Variants in CELF2 observed in about 807,000 individuals in gnomAD.
CELF2 encodes CUGBP Elav-like family member 2.
In CELF2, 8 loss-of-function variants were observed where a neutral mutation model predicts 62.6. The observed-to-expected ratio is 0.13, with a 90% CI of 0.07 to 0.23. The LOEUF (loss-of-function observed/expected upper bound fraction) is 0.23, where lower values mean the gene tolerates loss of function less well. Among genes scored for constraint, CELF2 ranks in the 10% least tolerant of loss-of-function variants. The probability of loss-of-function intolerance (pLI) is 1.00; values close to 1 mark genes in which losing one functional copy is unlikely to be tolerated. For synonymous variants in CELF2, 258 were observed against 250.0 expected (o/e 1.03, Z -0.30); for missense variants, 333 against 671.0 (o/e 0.50, Z 5.56).
chr10:11,276,522 T>C (rs1202417744), intron 8 of CELF2, among the ~76,000 whole-genome samples: 1 of 152,238 alleles, frequency 6.6e-6, no homozygotes, highest in Non-Finnish European at 1.5e-5. Flanking sequence ...AAGTAAAATA[T>C]TCAGGGGATT....
At chr10:10,918,827 G>A (rs1161474945) in intron 1 of CELF2, among the ~76,000 whole-genome samples, 1 of 152,178 alleles carries the variant, frequency 6.6e-6, no homozygotes, top group East Asian at 1.9e-4. Context: ...TGACACTAAG[G>A]AGATTTTATA....
intron 4 of CELF2, among the ~76,000 whole-genome samples, chr10:11,254,434 A>G (rs899295833): frequency 7.9e-5 from 12 of 152,204 alleles, no homozygotes; most frequent in Non-Finnish European, 1.3e-4. Context: ...TTTCTTGGCT[A>G]ATACTTGATA....
chr10:10,966,134 T>A (rs2050098707), intron 2 of CELF2, among the ~76,000 whole-genome samples: 1 of 152,220 alleles, frequency 6.6e-6, no homozygotes, highest in Admixed American at 6.5e-5. Flanking sequence ...GAGTTTTGGT[T>A]TACACACCTT....
the CELF2 span, among the ~76,000 whole-genome samples, chr10:10,761,905 CGTGTGTGTGTGTGTGTGT>C: frequency 2.3e-4 from 30 of 128,970 alleles, no homozygotes; most frequent in East Asian, 1.2e-3. Context: ...TATAATAAAC[CGTGTGTGTGTGTGTGTGT>C]GTGTGTGTGT....
chr10:11,199,277 C>T (rs916186482), intron 2 of CELF2, among the ~76,000 whole-genome samples: 2 of 152,286 alleles, frequency 1.3e-5, no homozygotes, highest in East Asian at 1.9e-4. Context: ...TTCTACTCCC[C>T]GATTCGGTTG....
At chr10:10,748,747 CAAAAAAAA>C in the CELF2 span, among the ~76,000 whole-genome samples, 12 of 36,996 alleles carry the variant, frequency 3.2e-4, no homozygotes, top group Admixed American at 6.4e-4. Context: ...GACTCTGTCT[CAAAAAAAA>C]AAAAAAAAAA....
rs184004418 is a variant in CELF2 at position 10,898,159 on chromosome 10, A to G, written c.54-21805A>G. 1.5e-3 allele frequency among the ~76,000 whole-genome samples: 230 copies of G among 152,268 alleles called. 1 individual carries two copies. Among genetic ancestry groups the G allele is most frequent in the East Asian group, 7.5e-3 (39 of 5,190 alleles). On this transcript the variant is annotated intron_variant, in intron 1 of 13. Coordinates refer to the CELF2 transcript ENST00000636488. ...AAGTCTACTGTATGCCTGACCCACC[A>G]TTGTATTTTGGAAGCAGATAACTTG...
chr10:10,994,448 G>C (rs545608837), intron 2 of CELF2, among the ~76,000 whole-genome samples: 1 of 152,264 alleles, frequency 6.6e-6, no homozygotes, highest in South Asian at 2.1e-4. Flanking sequence ...TTTACAACAG[G>C]GGTCCCCAGC....
At chr10:10,645,145 G>A in the CELF2 span, among the ~76,000 whole-genome samples, 3 of 152,170 alleles carry the variant, frequency 2.0e-5, no homozygotes, top group Non-Finnish European at 2.9e-5. Flanking sequence ...ATTCAGGGGG[G>A]ATGAGATGCT....
chr10:11,058,461 G>GTTTTTTTTT (rs67113152), intron 1 of CELF2, among the ~76,000 whole-genome samples: 11 of 116,796 alleles, frequency 9.4e-5, no homozygotes, highest in Non-Finnish European at 1.5e-4. Context: ...TTTTTTGTTG[G>GTTTTTTTTT]TTTTTTTTTT....
intron 2 of CELF2, among the ~76,000 whole-genome samples, chr10:10,921,597 A>G (rs1239712148): frequency 6.6e-6 from 1 of 152,048 alleles, no homozygotes; most frequent in Non-Finnish European, 1.5e-5. Flanking sequence ...GAGAGGAGAA[A>G]TTTACTCATC....
rs914465756 is a variant in CELF2, at chr10:10,990,683, G to C, written c.89+70684G>C. Among the ~76,000 whole-genome samples the C allele has an allele frequency of 6.6e-6, 1 of 152,112 alleles. No individual in the cohort carries two copies. Among genetic ancestry groups the C allele is most frequent in the South Asian group, 2.1e-4 (1 of 4,826 alleles). ...AAGATGCTAAATAAAGGCTAAAAAAGATAATGATCTTCCAGAGATTTGTAG... is the reference window on the plus strand; with the variant it reads ...AAGATGCTAAATAAAGGCTAAAAAACATAATGATCTTCCAGAGATTTGTAG... On this transcript the variant is annotated intron_variant, in intron 2 of 13. Transcript: ENST00000636488. This position sits in a 1 kb window ranked among gnomAD's most constrained non-coding sequence, Gnocchi z 4.6.
At chr10:10,846,811 A>C (rs1050699709) in intron 1 of CELF2, among the ~76,000 whole-genome samples, 1 of 152,332 alleles carries the variant, frequency 6.6e-6, no homozygotes, top group Admixed American at 6.5e-5. Flanking sequence ...AAACCATCTA[A>C]GGGAAAGTTA....
intron 1 of CELF2, among the ~76,000 whole-genome samples, chr10:11,119,831 C>T (rs867011533): frequency 6.7e-6 from 1 of 149,088 alleles, no homozygotes; most frequent in Non-Finnish European, 1.5e-5. Context: ...ATCCTAAGGG[C>T]ACTGTTTATT....
At chr10:10,727,797 G>A in the CELF2 span, among the ~76,000 whole-genome samples, 8 of 151,070 alleles carry the variant, frequency 5.3e-5, no homozygotes, top group African/African-American at 1.9e-4. Context: ...AAGAAAGAAA[G>A]AAAAGAAAAG....
chr10:11,256,652 T>A (rs1487836783), intron 4 of CELF2, among the ~76,000 whole-genome samples: 1 of 124,760 alleles, frequency 8.0e-6, no homozygotes, highest in Non-Finnish European at 1.6e-5. Context: ...CCCGTGGGTG[T>A]CTGTGATGTC....
At chr10:11,116,441 ACACGTATGAGAAGTGAG>A (rs1407889963) in intron 1 of CELF2, among the ~76,000 whole-genome samples, 1 of 152,226 alleles carries the variant, frequency 6.6e-6, no homozygotes, top group Non-Finnish European at 1.5e-5. Context: ...TCACTAATTT[ACACGTATGAGAAGTGAG>A]CATGTGTTCA....
At chr10:10,739,298 C>T in the CELF2 span, among the ~76,000 whole-genome samples, 1 of 152,110 alleles carries the variant, frequency 6.6e-6, no homozygotes, top group Non-Finnish European at 1.5e-5. Flanking sequence ...TGATTATTTA[C>T]ATAATAAAAT....
the CELF2 span, among the ~76,000 whole-genome samples, chr10:10,721,376 C>G: frequency 6.6e-6 from 1 of 152,184 alleles, no homozygotes; most frequent in Non-Finnish European, 1.5e-5. Flanking sequence ...TAGAAGCAAT[C>G]TATACCCAAC....
Sources: allele counts gnomAD v4.1 joint callset (sites outside exome capture counted in the v4.1 genomes callset), GRCh38; gene constraint gnomAD v4.1.1; non-coding constraint Gnocchi (gnomAD v3.1); transcripts MANE v1.5; gene names NCBI Gene and HGNC (gene_info 2026-07-23, HGNC 2026-07-21).